Variants in NTM observed in about 807,000 individuals in gnomAD.
The protein encoded by NTM is IgLON family member 2.
Under a neutral mutation model 42.1 loss-of-function variants are expected in NTM, and 13 were observed. The observed-to-expected ratio is 0.31, with a 90% CI of 0.20 to 0.49. NTM has a LOEUF of 0.49. Ranked by LOEUF, NTM falls within the 20% of genes least tolerant of loss-of-function variation. The pLI, the probability that NTM is intolerant of heterozygous loss-of-function variation, is 0.99. For missense variants in NTM, 373 were observed against 452.8 expected (o/e 0.82, Z 1.60); for synonymous variants, 187 against 179.2 (o/e 1.04, Z -0.35).
intron 2 of NTM, among the ~76,000 whole-genome samples, chr11:131,958,914 A>G (rs2061835973): frequency 6.6e-6 from 1 of 152,220 alleles, no homozygotes; most frequent in Non-Finnish European, 1.5e-5. Flanking sequence ...CTATTCAAGA[A>G]TGGTCAAGGG....
chr11:131,975,379 CA>C (rs571008606), intron 2 of NTM, among the ~76,000 whole-genome samples: 78 of 152,208 alleles, frequency 5.1e-4, no homozygotes, highest in African/African-American at 1.8e-3. Context: ...AGGGTTTCAC[CA>C]TGTTGGCCAG....
At chr11:132,288,773 C>A (rs1028634173) in intron 4 of NTM, among the ~76,000 whole-genome samples, 3 of 152,144 alleles carry the variant, frequency 2.0e-5, no homozygotes, top group Non-Finnish European at 2.9e-5. Flanking sequence ...GCGCCCACCA[C>A]CACGCCCAGC....
chr11:131,592,851 G>T (rs944750550), intron 1 of NTM, among the ~76,000 whole-genome samples: 1 of 152,122 alleles, frequency 6.6e-6, no homozygotes, highest in Non-Finnish European at 1.5e-5. Flanking sequence ...ACAATGCTGG[G>T]CTCAGAGCAG....
chr11:131,917,668 C>T (rs61901714), intron 2 of NTM, among the ~76,000 whole-genome samples: 29,112 of 152,104 alleles, frequency 0.19, 3,108 homozygotes, highest in Admixed American at 0.29. Context: ...ACTATTGATC[C>T]GTTGTTTATG....
At chr11:131,836,250 T>C (rs543544155) in intron 1 of NTM, among the ~76,000 whole-genome samples, 2 of 152,352 alleles carry the variant, frequency 1.3e-5, no homozygotes, top group East Asian at 3.9e-4. Context: ...TTATATTTCC[T>C]GCTTATCCTT....
At chr11:132,055,381 G>A (rs1456686353) in intron 2 of NTM, among the ~76,000 whole-genome samples, 1 of 152,086 alleles carries the variant, frequency 6.6e-6, no homozygotes, top group Non-Finnish European at 1.5e-5. Context: ...AGCGTCAGAG[G>A]GGTTAACACA....
intron 3 of NTM, among the ~76,000 whole-genome samples, chr11:132,165,318 A>C (rs558288319): frequency 2.0e-5 from 3 of 152,182 alleles, no homozygotes; most frequent in Non-Finnish European, 2.9e-5. Context: ...TCCTTGATTT[A>C]TTTCTTTCTG....
chr11:131,504,413 T>C (rs1396967860), intron 1 of NTM, among the ~76,000 whole-genome samples: 1 of 152,194 alleles, frequency 6.6e-6, no homozygotes, highest in African/African-American at 2.4e-5. Context: ...GCTACCCAGC[T>C]CAGCCCTGGT....
intron 2 of NTM, among the ~76,000 whole-genome samples, chr11:131,998,891 T>G (rs1470480428): frequency 6.6e-6 from 1 of 152,194 alleles, no homozygotes; most frequent in South Asian, 2.1e-4. Flanking sequence ...TATGGGAGAC[T>G]GCTGTGTTTT....
intron 1 of NTM, among the ~76,000 whole-genome samples, chr11:131,472,270 T>C (rs2136184855): frequency 6.6e-6 from 1 of 152,276 alleles, no homozygotes; most frequent in Non-Finnish European, 1.5e-5. Flanking sequence ...GCCCCCACTC[T>C]CTGGAAGGGC....
intron 1 of NTM, among the ~76,000 whole-genome samples, chr11:131,904,007 T>C (rs2053527143): frequency 1.3e-5 from 2 of 152,134 alleles, no homozygotes; most frequent in African/African-American, 4.8e-5. Flanking sequence ...TTATCTAAGG[T>C]GACAAAATGA....
At chr11:131,506,109 A>G (rs2047457038) in intron 1 of NTM, among the ~76,000 whole-genome samples, 1 of 152,144 alleles carries the variant, frequency 6.6e-6, no homozygotes, top group African/African-American at 2.4e-5. Context: ...GAATGGTTGA[A>G]TTAAACCTGG....
intron 1 of NTM, among the ~76,000 whole-genome samples, chr11:131,439,820 T>C (rs1287396916): frequency 1.3e-5 from 2 of 152,130 alleles, no homozygotes; most frequent in African/African-American, 4.8e-5. Flanking sequence ...CTGCACCCAC[T>C]GTCCAACTAG....
chr11:132,286,904 C>A (rs2094260597), intron 4 of NTM, among the ~76,000 whole-genome samples: 1 of 152,226 alleles, frequency 6.6e-6, no homozygotes, highest in Non-Finnish European at 1.5e-5. Context: ...GCACTTCTGC[C>A]TATTGATCCT....
At chr11:131,488,259 G>T (rs184181180) in intron 1 of NTM, among the ~76,000 whole-genome samples, 1 of 152,100 alleles carries the variant, frequency 6.6e-6, no homozygotes, top group African/African-American at 2.4e-5. Flanking sequence ...CTGCTTTTTC[G>T]TGGTGTCAGC....
At chr11:131,477,562 A>AT (rs1188212495) in intron 1 of NTM, among the ~76,000 whole-genome samples, 1 of 151,774 alleles carries the variant, frequency 6.6e-6, no homozygotes, top group Non-Finnish European at 1.5e-5. Flanking sequence ...TCTGCTTCCT[A>AT]TATCAGCTTG....
At chr11:131,432,852 T>A (rs912270890) in intron 1 of NTM, among the ~76,000 whole-genome samples, 6 of 100,148 alleles carry the variant, frequency 6.0e-5, no homozygotes, top group Non-Finnish European at 9.9e-5. Flanking sequence ...TTTTTTTTTT[T>A]TTTTTTTTTT....
At chr11:132,322,280 A>T (rs2095586925) in intron 7 of NTM, among the ~76,000 whole-genome samples, 1 of 152,012 alleles carries the variant, frequency 6.6e-6, no homozygotes, top group South Asian at 2.1e-4. Context: ...TATTCAGGAA[A>T]CCCATCTCAT....
intron 3 of NTM, among the ~76,000 whole-genome samples, chr11:132,169,650 A>C (rs1266309836): frequency 6.6e-6 from 1 of 151,936 alleles, no homozygotes; most frequent in Non-Finnish European, 1.5e-5. Context: ...TTACTTCTTG[A>C]ATACTTCTTA....
Sources: allele counts gnomAD v4.1 joint callset (sites outside exome capture counted in the v4.1 genomes callset), GRCh38; gene constraint gnomAD v4.1.1; transcripts MANE v1.5; gene names NCBI Gene and HGNC (gene_info 2026-07-23, HGNC 2026-07-21).